The following WFDC3 variants were observed in gnomAD, a reference collection of about 807,000 sequenced individuals.
The protein encoded by WFDC3 is WAP four-disulfide core domain 3, also known as WAP four-disulfide core domain protein 3.
Under a neutral mutation model 25.8 loss-of-function variants are expected in WFDC3, and 15 were observed. The ratio of observed to expected loss-of-function variants is 0.58; its 90% CI spans 0.39 to 0.89. The LOEUF (loss-of-function observed/expected upper bound fraction) is 0.89. Ranked by LOEUF, WFDC3 falls within the 40% of genes least tolerant of loss-of-function variation. WFDC3 has a pLI of 0.00. For synonymous variants in WFDC3, 103 were observed against 107.1 expected, an observed-to-expected ratio of 0.96 and a Z score of 0.24; for missense variants, 264 against 289.8, an observed-to-expected ratio of 0.91 and a Z score of 0.65.
At chr20:45,779,076 A>G (rs1980324086) in intron 4 of WFDC3, among the ~76,000 whole-genome samples, 1 of 152,224 alleles carries the variant, frequency 6.6e-6, no homozygotes, top group African/African-American at 2.4e-5. Flanking sequence ...AAGGCAGGAC[A>G]ACACTCAGCC....
At chr20:45,776,927 G>T in intron 5 of WFDC3, 148 bp downstream of exon 5, 1 of 1,263,556 alleles carries the variant, frequency 7.9e-7, no homozygotes, top group Non-Finnish European at 1.1e-6. Flanking sequence ...TGTCGACAGG[G>T]CCCCTCGGCC....
At chr20:45,780,806 G>T (rs992626998) in intron 4 of WFDC3, among the ~76,000 whole-genome samples, 4 of 152,112 alleles carry the variant, frequency 2.6e-5, no homozygotes, top group Non-Finnish European at 4.4e-5. Context: ...CCCAAGAAGG[G>T]CCCTCTGAGC....
chr20:45,791,181 T>C, intron 1 of WFDC3, among the ~76,000 whole-genome samples: 1 of 135,324 alleles, frequency 7.4e-6, no homozygotes, highest in Admixed American at 7.2e-5. Context: ...TGCTTTTTTT[T>C]TTTTTTTTTT....
chr20:45,782,658 C>T (rs931943896), intron 4 of WFDC3, among the ~76,000 whole-genome samples: 2 of 152,044 alleles, frequency 1.3e-5, no homozygotes, highest in Admixed American at 6.6e-5. Flanking sequence ...TTACAGGCAT[C>T]AGCCACTGCG....
intron 4 of WFDC3, among the ~76,000 whole-genome samples, chr20:45,777,429 C>A (rs557364996): frequency 1.3e-5 from 2 of 152,322 alleles, no homozygotes; most frequent in African/African-American, 4.8e-5. Context: ...TAGCTCACTG[C>A]AGCCTCAAAC....
intron 1 of WFDC3, chr20:45,790,977 G>T (rs906470943): frequency 2.1e-6 from 1 of 467,620 alleles, no homozygotes. Context: ...TATCTGTCCT[G>T]GTCATGCCTT....
intron 4 of WFDC3, among the ~76,000 whole-genome samples, chr20:45,786,604 C>G (rs993478265): frequency 6.6e-6 from 1 of 152,166 alleles, no homozygotes; most frequent in Non-Finnish European, 1.5e-5. Context: ...GAGCCCGTCA[C>G]TGGATCTCGC....
chr20:45,784,428 T>C (rs1265372697), intron 4 of WFDC3, among the ~76,000 whole-genome samples: 5 of 152,168 alleles, frequency 3.3e-5, no homozygotes, highest in Non-Finnish European at 7.3e-5. Context: ...ATCCTGGTTT[T>C]GAATAAAGGG....
chr20:45,788,970 T>G lies in WFDC3; in HGVS notation c.172A>C (p.Thr58Pro). 1 of 1,613,744 alleles carries G rather than the reference T, an allele frequency of 6.2e-7. No individual in the cohort carries two copies. Among genetic ancestry groups the G allele is most frequent in the Non-Finnish European group, 8.5e-7 (1 of 1,179,892 alleles). Residue 58 changes from threonine to proline, a missense_variant, in exon 3 of 7, where the codon ACC (threonine) becomes CCC (proline). By Grantham distance (38) the Thr-to-Pro change is conservative. Transcript: ENST00000243938. ...CGGCAGATCCGACCACAGCCTGTGG[T>G]GCAGCACTTCTGTTCAGCCGGACAC... ...ELCPAEQKCC[T>P]TGCGRICRDI...
At chr20:45,775,373 A>T in intron 6 of WFDC3, 44 bp downstream of exon 6, 1 of 1,598,316 alleles carries the variant, frequency 6.3e-7, no homozygotes. Flanking sequence ...TGCTTTGCAC[A>T]TAGCAGTTGT....
At chr20:45,777,997 T>C (rs1980275645) in intron 4 of WFDC3, among the ~76,000 whole-genome samples, 1 of 152,180 alleles carries the variant, frequency 6.6e-6, no homozygotes, top group Non-Finnish European at 1.5e-5. Context: ...CTCCTGGGAT[T>C]CAGGCCCTTT....
rs73306432 is a variant in WFDC3 at position 45,788,650 on chromosome 20, C to T, written c.211+281G>A. 2,867 of 307,468 alleles carry T rather than the reference C, an allele frequency of 9.3e-3. 81 individuals are homozygous for T. Among genetic ancestry groups the T allele is most frequent in the African/African-American group, 0.058 (2,665 of 46,130 alleles). The allele number at this position is 307,468 out of a possible 1,614,324, so 19.0% of individuals were successfully genotyped here. On this transcript the variant is annotated intron_variant, in intron 3 of 6. Transcript: ENST00000243938. ...CTACTCTCTTAATCATTATCTTACA[C>T]AGCCTTCCCTTTACAACTCTTCCCT...
At chr20:45,787,093 CAAAAAAAAAA>C (rs71181858) in intron 4 of WFDC3, among the ~76,000 whole-genome samples, 2 of 26,806 alleles carry the variant, frequency 7.5e-5, no homozygotes, top group Non-Finnish European at 1.3e-4. Context: ...GACTCTCTCT[CAAAAAAAAAA>C]AAAAAAAAAA....
chr20:45,788,703 A>C, intron 3 of WFDC3: 1 of 457,392 alleles, frequency 2.2e-6, no homozygotes, highest in Non-Finnish European at 3.7e-6. Flanking sequence ...TTTGAGTCCA[A>C]AGTAAAAGAC....
intron 3 of WFDC3, chr20:45,788,317 G>C (rs1980782855): frequency 6.0e-6 from 1 of 168,038 alleles, no homozygotes; most frequent in African/African-American, 2.4e-5. Context: ...AAAAAAAAGA[G>C]AGAGAGAGAG....
chr20:45,782,750 T>C (rs1264382740), intron 4 of WFDC3, among the ~76,000 whole-genome samples: 4 of 152,202 alleles, frequency 2.6e-5, no homozygotes, highest in African/African-American at 9.6e-5. Flanking sequence ...CCTGCCACAA[T>C]AGCCTCCTAA....
At chr20:45,791,659 C>T (rs969749196) in intron 1 of WFDC3, among the ~76,000 whole-genome samples, 173 bp downstream of exon 1, 4 of 152,178 alleles carry the variant, frequency 2.6e-5, no homozygotes, top group Non-Finnish European at 5.9e-5. Context: ...AAACGCTTCC[C>T]TCTGCTCCCC....
chr20:45,787,224 A>G (rs1980713011), intron 4 of WFDC3, among the ~76,000 whole-genome samples: 1 of 149,876 alleles, frequency 6.7e-6, no homozygotes, highest in African/African-American at 2.4e-5. Flanking sequence ...AGATTTTTTA[A>G]CAGAGAATAT....
Position 45,775,326 on chromosome 20 carries a change from T to C in WFDC3, c.679+91A>G, listed in dbSNP as rs1191269600. On this transcript the variant is annotated intron_variant, in intron 6 of 6. Coordinates refer to ENST00000243938, the MANE Select transcript of WFDC3 (RefSeq NM_080614.2). ...TCTTTCTCTCCAACTAGACTTTTCCTGACCTTCTGAAGTCCCCTTCCCAGC... is the reference window on the plus strand; with the variant it reads ...TCTTTCTCTCCAACTAGACTTTTCCCGACCTTCTGAAGTCCCCTTCCCAGC... The C allele has an allele frequency of 2.6e-6, 4 of 1,515,176 alleles. No individual in the cohort carries two copies. The African/African-American group carries it at 5.6e-5, about 21-fold the overall frequency. 93.9% of individuals were successfully genotyped at this position (1,515,176 alleles called of 1,614,324 possible).
Sources: allele counts gnomAD v4.1 joint callset (sites outside exome capture counted in the v4.1 genomes callset), GRCh38; gene constraint gnomAD v4.1.1; transcripts MANE v1.5; gene names NCBI Gene and HGNC (gene_info 2026-07-23, HGNC 2026-07-21).